Variants in KLHL3 observed in about 807,000 individuals in gnomAD.
KLHL3 encodes kelch-like protein 3.
Under a neutral mutation model 70.5 loss-of-function variants are expected in KLHL3, and 19 were observed. The observed-to-expected ratio is 0.27, with a 90% confidence interval of 0.19 to 0.40. The LOEUF is 0.40. KLHL3 is among the 10% of genes least tolerant of loss of function. The pLI is 1.00. For synonymous variants in KLHL3, 258 were observed against 290.3 expected, an observed-to-expected ratio of 0.89 and a Z score of 1.13; for missense variants, 512 against 771.1, an observed-to-expected ratio of 0.66 and a Z score of 3.98.
At position 137,625,938 on chromosome 5, in the gene KLHL3, G is replaced by T; in HGVS notation, c.1592-42C>A. On this transcript the variant is annotated intron_variant, in intron 13 of 14. Coordinates refer to ENST00000309755, the MANE Select transcript of KLHL3 (RefSeq NM_017415.3). ...AGCCATGGGAGACATCACAGCAGGT[G>T]CACTAAGAGATCAGAATTGATCAAG... 7 of 1,612,872 alleles carry T rather than the reference G, an allele frequency of 4.3e-6. 1 individual carries two copies. The South Asian group carries it at 6.6e-5, about 15-fold the overall frequency.
chr5:137,712,249 G>A (rs1752808087), intron 2 of KLHL3, among the ~76,000 whole-genome samples: 1 of 151,162 alleles, frequency 6.6e-6, no homozygotes, highest in African/African-American at 2.4e-5. Context: ...CAGAAATGCT[G>A]AACAAATGTT....
At chr5:137,671,794 T>C (rs145955481) in intron 6 of KLHL3, 5 of 152,220 alleles carry the variant, frequency 3.3e-5, no homozygotes, top group African/African-American at 1.2e-4. Context: ...GCCAAGAAGG[T>C]AGGTGCCCTT....
At chr5:137,723,227 C>CAAT (rs1463666293) in intron 1 of KLHL3, among the ~76,000 whole-genome samples, 1 of 152,150 alleles carries the variant, frequency 6.6e-6, no homozygotes, top group Non-Finnish European at 1.5e-5. Context: ...AGTCCCCAGT[C>CAAT]CTATTATTAT....
chr5:137,637,071 C>A lies in KLHL3; in HGVS notation c.1321+223G>T, dbSNP rs11955645. Among the ~76,000 whole-genome samples, 13,798 of 152,216 alleles carry A rather than the reference C, an allele frequency of 0.091. 1,411 individuals are homozygous for A. The highest frequency in any genetic ancestry group is 0.26 in the African/African-American group (10,617 of 41,492). On this transcript the variant is annotated intron_variant, in intron 11 of 14. Transcript: ENST00000309755. ...ATTTCCCCTCTAGGCTCCTTCTACT[C>A]CCCCAGCCCAGCTCCAACATTTAGC...
chr5:137,624,269 A>G (rs1307237868), intron 14 of KLHL3, among the ~76,000 whole-genome samples: 1 of 152,112 alleles, frequency 6.6e-6, no homozygotes, highest in African/African-American at 2.4e-5. Context: ...CTTCCTACCT[A>G]CTTCTGGAGA....
intron 13 of KLHL3, among the ~76,000 whole-genome samples, chr5:137,626,651 G>A (rs149688790): frequency 1.8e-3 from 277 of 152,218 alleles, no homozygotes; most frequent in South Asian, 2.7e-3. Context: ...CTGGTGAGAC[G>A]AAAAAATGGA....
At chr5:137,656,700 T>C (rs1751353109) in intron 8 of KLHL3, among the ~76,000 whole-genome samples, 1 of 152,264 alleles carries the variant, frequency 6.6e-6, no homozygotes, top group African/African-American at 2.4e-5. Context: ...ACCAAGGCCT[T>C]GCCTTGCGGC....
At chr5:137,716,208 A>C (rs1752889096) in intron 2 of KLHL3, among the ~76,000 whole-genome samples, 1 of 151,872 alleles carries the variant, frequency 6.6e-6, no homozygotes, top group South Asian at 2.1e-4. Context: ...TTAGGTTGAG[A>C]CGTAAATTTC....
chr5:137,720,346 A>T, intron 2 of KLHL3, 119 bp downstream of exon 2: 1 of 1,215,658 alleles, frequency 8.2e-7, no homozygotes, highest in Non-Finnish European at 1.2e-6. Context: ...AGTGACTAAG[A>T]ATGGATGGAA....
At chr5:137,669,014 C>G (rs985864846) in intron 6 of KLHL3, among the ~76,000 whole-genome samples, 1 of 152,138 alleles carries the variant, frequency 6.6e-6, no homozygotes, top group Middle Eastern at 3.2e-3. Context: ...TCACACAACA[C>G]TTAAAAGCTC....
At chr5:137,691,777 AT>A (rs55683916) in intron 5 of KLHL3, among the ~76,000 whole-genome samples, 112,775 of 146,138 alleles carry the variant, frequency 0.77, 43,540 homozygotes, top group East Asian at 0.98. Flanking sequence ...AGCCCCGCTA[AT>A]TTTTTTTTTT....
At position 137,639,935 on chromosome 5, in the gene KLHL3, T is replaced by C; in HGVS notation, c.946A>G (p.Ser316Gly). The C allele has an allele frequency of 6.2e-7, 1 of 1,614,174 alleles. No individual in the cohort carries two copies. The highest frequency in any genetic ancestry group is 1.3e-5 in the African/African-American group (1 of 75,020). Reference sequence around the variant, plus strand: ...TCCTCGAAATCATAGCACTCCACACTGCGGATTGCCTTGGGTGCCTGGCCG... The same window carrying C: ...TCCTCGAAATCATAGCACTCCACACCGCGGATTGCCTTGGGTGCCTGGCCG... ...VGGQAPKAIR[S>G]VECYDFEEDR... The change falls in exon 9 of 15, where the codon AGT becomes GGT. Residue 316 changes from serine (S) to glycine (G), a missense_variant. By Grantham distance (56) the Ser-to-Gly change is moderately conservative. Coordinates refer to ENST00000309755, the MANE Select transcript of KLHL3 (RefSeq NM_017415.3). The surrounding 1 kb of genome is among the most constrained non-coding windows in gnomAD (Gnocchi z 5.0).
chr5:137,638,986 G>C lies in KLHL3; in HGVS notation c.1186C>G (p.Leu396Val). 1 of 1,614,198 alleles carries C rather than the reference G, an allele frequency of 6.2e-7. No individual in the cohort carries two copies. The highest frequency in any genetic ancestry group is 8.5e-7 in the Non-Finnish European group (1 of 1,180,020). ...CCATCAAAGCCTCCCACTGCGTAGA[G>C]CAAGTCATTGAGCACCGCTGCGCCC... ...TLGAAVLNDL[L>V]YAVGGFDGST... Residue 396 changes from leucine (L) to valine (V), a missense_variant, in exon 10 of 15, where the codon CTC becomes GTC. Transcript: ENST00000309755.
chr5:137,723,453 G>A (rs953459122), intron 1 of KLHL3, among the ~76,000 whole-genome samples: 8 of 152,068 alleles, frequency 5.3e-5, no homozygotes, highest in Non-Finnish European at 7.4e-5. Context: ...GACCTTACAC[G>A]TTTGATTAGA....
chr5:137,661,086 A>C (rs1751461402), intron 7 of KLHL3: 1 of 152,200 alleles, frequency 6.6e-6, no homozygotes, highest in South Asian at 2.1e-4. Context: ...AAAAGTGTCT[A>C]ATGCCATTTA....
intron 8 of KLHL3, 104 bp downstream of exon 8, chr5:137,658,027 G>T: frequency 8.7e-7 from 1 of 1,154,686 alleles, no homozygotes; most frequent in Non-Finnish European, 1.2e-6. Flanking sequence ...ATGCAACCAA[G>T]ATGCAGGGCA....
intron 6 of KLHL3, among the ~76,000 whole-genome samples, chr5:137,666,348 T>C (rs1235486249): frequency 6.6e-6 from 1 of 152,240 alleles, no homozygotes; most frequent in East Asian, 1.9e-4. Context: ...TTGTATGTGG[T>C]TGGTTAGCCA....
At chr5:137,661,004 A>T (rs1364884576) in intron 7 of KLHL3, 1 of 152,244 alleles carries the variant, frequency 6.6e-6, no homozygotes, top group Admixed American at 6.5e-5. Flanking sequence ...CTCCTTGGAG[A>T]CAGCTGAGGG....
intron 1 of KLHL3, among the ~76,000 whole-genome samples, chr5:137,733,368 CACACAAAAG>C (rs1753210413): frequency 6.6e-6 from 1 of 152,204 alleles, no homozygotes; most frequent in South Asian, 2.1e-4. Context: ...ATCAGAGCCT[CACACAAAAG>C]TTATTAGCTA....
Sources: gnomAD v4.1 joint callset for allele counts (sites outside exome capture counted in the v4.1 genomes callset) on GRCh38, gnomAD v4.1.1 for gene constraint, Gnocchi (gnomAD v3.1) non-coding constraint, MANE v1.5 for transcripts, NCBI Gene and HGNC (gene_info 2026-07-23, HGNC 2026-07-21) for gene names.